FAM169A: variants seen among roughly 807,000 people sequenced by gnomAD.
FAM169A encodes the protein family with sequence similarity 169 member A.
In FAM169A, 24 loss-of-function variants were observed where a neutral mutation model predicts 75.7. That is an observed-to-expected ratio of 0.32 (90% CI 0.23 to 0.45). The LOEUF is 0.45. FAM169A is among the 20% of genes least tolerant of loss of function. The pLI, the probability that FAM169A is intolerant of heterozygous loss-of-function variation, is 1.00. For missense variants in FAM169A, 673 were observed against 784.0 expected, an observed-to-expected ratio of 0.86 and a Z score of 1.69; for synonymous variants, 271 against 271.0, an observed-to-expected ratio of 1.00 and a Z score of 0.00.
intron 5 of FAM169A, among the ~76,000 whole-genome samples, chr5:74,833,859 A>G (rs1264429060): frequency 3.3e-5 from 5 of 152,342 alleles, no homozygotes; most frequent in Admixed American, 6.5e-5. Flanking sequence ...ATGAGGTTGC[A>G]CTATTTTTTA....
chr5:74,821,364 G>T (rs530630902), intron 5 of FAM169A, among the ~76,000 whole-genome samples: 68 of 152,256 alleles, frequency 4.5e-4, no homozygotes, highest in Middle Eastern at 3.4e-3. Flanking sequence ...TGCCACAACT[G>T]AGCAGCTGCT....
chr5:74,812,301 A>G (rs1030784126), intron 6 of FAM169A, among the ~76,000 whole-genome samples: 1 of 151,540 alleles, frequency 6.6e-6, no homozygotes, highest in Non-Finnish European at 1.5e-5. Flanking sequence ...TTTTTTTTGT[A>G]ATTTTTGTAG....
At chr5:74,785,566 G>T (rs775025454) in intron 11 of FAM169A, among the ~76,000 whole-genome samples, 1 of 151,964 alleles carries the variant, frequency 6.6e-6, no homozygotes, top group African/African-American at 2.4e-5. Context: ...GTTCAAGACC[G>T]GACTGGCCAA....
Position 74,805,284 on chromosome 5 carries a change from G to C in FAM169A, c.671C>G (p.Ala224Gly), listed in dbSNP as rs1381943494. 1 of 1,607,648 alleles carries C rather than the reference G, an allele frequency of 6.2e-7. No homozygotes were observed. The highest frequency in any genetic ancestry group is 8.5e-7 in the Non-Finnish European group (1 of 1,178,362). Residue 224 changes from alanine to glycine, a missense_variant and splice_region_variant, in exon 7 of 13, where the codon GCT becomes GGT. Coordinates refer to ENST00000687041, the MANE Select transcript of FAM169A (RefSeq NM_001376049.1). ...ATACTTCTCAAAGTATTGCTTGCAA[G>C]CTGAAAAACACATTTAGAATTTTCT... ...RYPLSSLMYTACKQYFEKYPG... is the reference protein window; with the variant it reads ...RYPLSSLMYTGCKQYFEKYPG...
upstream of FAM169A, chr5:74,866,542 G>C: frequency 1.9e-6 from 1 of 537,924 alleles, no homozygotes; most frequent in South Asian, 8.0e-5. Context: ...CGGCAGGTGC[G>C]GGCTTGGCCA....
chr5:74,826,003 T>C (rs979854097), intron 5 of FAM169A, among the ~76,000 whole-genome samples: 12 of 152,162 alleles, frequency 7.9e-5, no homozygotes, highest in African/African-American at 2.7e-4. Context: ...CTCCAATTTG[T>C]TCTCTCCTCC....
intron 1 of FAM169A, among the ~76,000 whole-genome samples, chr5:74,844,380 T>C (rs911560328): frequency 6.6e-6 from 1 of 152,022 alleles, no homozygotes. Flanking sequence ...GAGAATTACC[T>C]GAGCCCAGGA....
intron 5 of FAM169A, among the ~76,000 whole-genome samples, chr5:74,827,066 A>C (rs571897349): frequency 6.6e-6 from 1 of 152,288 alleles, no homozygotes; most frequent in Admixed American, 6.5e-5. Context: ...CTACAGAATG[A>C]TACTGTGCCC....
At chr5:74,824,149 T>C (rs969874747) in intron 5 of FAM169A, among the ~76,000 whole-genome samples, 1 of 152,166 alleles carries the variant, frequency 6.6e-6, no homozygotes, top group Non-Finnish European at 1.5e-5. Flanking sequence ...CACAAATCCC[T>C]TCAGTAGTGG....
chr5:74,866,493 G>T, upstream of FAM169A: 4 of 674,170 alleles, frequency 5.9e-6, no homozygotes, highest in Non-Finnish European at 7.3e-6. Context: ...CTGGGACGCC[G>T]CCCTGCCTCC....
chr5:74,829,477 T>C (rs1748200308), intron 5 of FAM169A, among the ~76,000 whole-genome samples: 1 of 152,180 alleles, frequency 6.6e-6, no homozygotes, highest in Non-Finnish European at 1.5e-5. Flanking sequence ...TTTTATGAAT[T>C]AAGTTATATA....
chr5:74,810,475 CGCGGTG>C (rs1747119084), intron 6 of FAM169A, among the ~76,000 whole-genome samples: 1 of 151,930 alleles, frequency 6.6e-6, no homozygotes, highest in Non-Finnish European at 1.5e-5. Flanking sequence ...GTAGGCTGGG[CGCGGTG>C]GCTCACGCCT....
Position 74,804,575 on chromosome 5 carries a change from A to T in FAM169A, c.830T>A (p.Met277Lys), listed in dbSNP as rs1353845101. 4 of 1,610,076 alleles carry T rather than the reference A, an allele frequency of 2.5e-6. No individual in the cohort carries two copies. The South Asian group carries it at 4.4e-5, about 18-fold the overall frequency. ...ALSQNEPKRPMSGEYGPASVP... is the reference protein window; with the variant it reads ...ALSQNEPKRPKSGEYGPASVP... ...AGATGCAGGACCATATTCTCCAGAC[A>T]TAGGTCTTTTAGGTTCATTTTGAGA... is the stretch of plus-strand genomic sequence containing the variant. Residue 277 changes from methionine (M) to lysine (K), a missense_variant, in exon 8 of 13, where the codon ATG becomes AAG. Met to Lys is a moderately conservative substitution (Grantham distance 95). This residue lies in a region of FAM169A where 510 missense variants were observed against 550.9 expected (regional missense o/e 0.93). Coordinates refer to ENST00000687041, the MANE Select transcript of FAM169A (RefSeq NM_001376049.1).
chr5:74,801,609 G>C lies in FAM169A; in HGVS notation c.933C>G (p.Ala311=). The C allele has an allele frequency of 6.2e-7, 1 of 1,608,216 alleles. No homozygotes were observed. The highest frequency in any genetic ancestry group is 1.1e-5 in the South Asian group (1 of 89,690). Residue 311 remains alanine, a synonymous_variant, in exon 9 of 13, where the codon GCC becomes GCG. Transcript: ENST00000687041. ...TCTTACCTTCGGAAGTGCTTGCAAAGGCATCTTTTAGAGAATCAATCTAAA... is the reference window on the plus strand; with the variant it reads ...TCTTACCTTCGGAAGTGCTTGCAAACGCATCTTTTAGAGAATCAATCTAAA... ...MQLTIDSLKD[A]FASTSEGHDK...
chr5:74,860,850 A>C (rs994852869), intron 1 of FAM169A, among the ~76,000 whole-genome samples: 1 of 146,850 alleles, frequency 6.8e-6, no homozygotes. Context: ...AAAAAAAAAA[A>C]GTCTAGGCCG....
rs190964287 is a variant in FAM169A at position 74,832,985 on chromosome 5, T to C, written c.490+1441A>G. Reference sequence around the variant, plus strand: ...AGTTAACTACCAGAACAAGCAGAAATAGAGGCTAGGTGCCAGAGAAGGAGC... The same window carrying C: ...AGTTAACTACCAGAACAAGCAGAAACAGAGGCTAGGTGCCAGAGAAGGAGC... On this transcript the variant is annotated intron_variant, in intron 5 of 12. Coordinates refer to ENST00000687041, the MANE Select transcript of FAM169A (RefSeq NM_001376049.1). Among the ~76,000 whole-genome samples the C allele has an allele frequency of 4.1e-3, 620 of 151,910 alleles. 3 individuals carry two copies. Among genetic ancestry groups the C allele is most frequent in the Non-Finnish European group, 6.7e-3 (456 of 67,916 alleles).
intron 4 of FAM169A, among the ~76,000 whole-genome samples, chr5:74,837,433 C>T (rs143002624): frequency 6.6e-6 from 1 of 152,238 alleles, no homozygotes; most frequent in African/African-American, 2.4e-5. Flanking sequence ...TCTTAAGGCA[C>T]ACTGAAGAAT....
chr5:74,809,032 C>G (rs1320698342), intron 6 of FAM169A, among the ~76,000 whole-genome samples: 1 of 152,060 alleles, frequency 6.6e-6, no homozygotes, highest in Middle Eastern at 3.4e-3. Flanking sequence ...AAAACCAACA[C>G]AACAGGCCAC....
intron 10 of FAM169A, 85 bp from the exon 11 acceptor site, chr5:74,796,271 T>G: frequency 8.0e-7 from 1 of 1,250,848 alleles, no homozygotes; most frequent in Non-Finnish European, 1.1e-6. Context: ...AGTAACATTT[T>G]AGAGAATCAA....
Sources: allele counts gnomAD v4.1 joint callset (sites outside exome capture counted in the v4.1 genomes callset), GRCh38; gene constraint gnomAD v4.1.1; regional missense constraint gnomAD v4.1.1; transcripts MANE v1.5; gene names NCBI Gene and HGNC (gene_info 2026-07-23, HGNC 2026-07-21).